NELL1: variants seen among roughly 807,000 people sequenced by gnomAD.
NELL1 encodes the protein neural EGFL like 1.
Under a neutral mutation model 107.4 loss-of-function variants are expected in NELL1, and 76 were observed. That is an observed-to-expected ratio of 0.71 (90% CI 0.59 to 0.86). The LOEUF (loss-of-function observed/expected upper bound fraction) is 0.86, where lower values mean the gene tolerates loss of function less well. NELL1 is among the 40% of genes least tolerant of loss of function. NELL1 has a pLI of 0.00. For synonymous variants in NELL1, 353 were observed against 341.2 expected (o/e 1.03, Z -0.38); for missense variants, 1,024 against 1,005.5 (o/e 1.02, Z -0.25).
chr11:21,434,766 T>C (rs2133837833), intron 15 of NELL1, among the ~76,000 whole-genome samples: 1 of 152,302 alleles, frequency 6.6e-6, no homozygotes, highest in Non-Finnish European at 1.5e-5. Flanking sequence ...GGGTATTGCA[T>C]TGAATTTGTA....
chr11:21,402,473 T>C (rs2133798578), intron 15 of NELL1, among the ~76,000 whole-genome samples: 1 of 151,908 alleles, frequency 6.6e-6, no homozygotes, highest in South Asian at 2.1e-4. Flanking sequence ...AAATTTATGC[T>C]GTGTCAGCCA....
chr11:21,550,400 C>T (rs999590228), intron 16 of NELL1, among the ~76,000 whole-genome samples: 4 of 151,906 alleles, frequency 2.6e-5, no homozygotes, highest in Admixed American at 1.3e-4. Flanking sequence ...GTGTTTTAGA[C>T]CTGAAGTCCT....
At chr11:21,518,553 T>G (rs1855633576) in intron 15 of NELL1, among the ~76,000 whole-genome samples, 1 of 152,216 alleles carries the variant, frequency 6.6e-6, no homozygotes, top group East Asian at 1.9e-4. Flanking sequence ...TTCCTCCTTT[T>G]AAGCCGGAAA....
At chr11:20,993,176 G>A (rs1425085321) in intron 12 of NELL1, among the ~76,000 whole-genome samples, 3 of 151,916 alleles carry the variant, frequency 2.0e-5, no homozygotes, top group African/African-American at 7.3e-5. Context: ...AATTTTCCTT[G>A]ACTCCCCAGG....
chr11:21,460,496 C>T (rs1315310076), intron 15 of NELL1, among the ~76,000 whole-genome samples: 2 of 152,114 alleles, frequency 1.3e-5, no homozygotes, highest in East Asian at 1.9e-4. Flanking sequence ...GCCAAAGAAT[C>T]GTTGGCTTGA....
At chr11:21,274,715 C>T (rs193084572) in intron 14 of NELL1, among the ~76,000 whole-genome samples, 18 of 152,300 alleles carry the variant, frequency 1.2e-4, no homozygotes, top group Non-Finnish European at 1.8e-4. Context: ...GGCCACAGTG[C>T]AATCAAACTA....
chr11:20,987,144 A>C (rs1163520532), intron 12 of NELL1, among the ~76,000 whole-genome samples: 1 of 152,186 alleles, frequency 6.6e-6, no homozygotes, highest in Non-Finnish European at 1.5e-5. Context: ...ATTCTATTGA[A>C]AAAGGCCAAA....
chr11:21,284,732 T>A, intron 14 of NELL1: 1 of 348,382 alleles, frequency 2.9e-6, no homozygotes, highest in Non-Finnish European at 5.7e-6. Flanking sequence ...AATGTGACAA[T>A]TTAGTCAATA....
rs192255666 is a variant in NELL1, at chr11:21,283,335, T to C, written c.1549+53881T>C. Among the ~76,000 whole-genome samples the C allele has an allele frequency of 4.0e-3, 612 of 152,224 alleles. 4 individuals are homozygous for C. The highest frequency in any genetic ancestry group is 6.2e-3 in the Non-Finnish European group (420 of 68,004). On this transcript the variant is annotated intron_variant, in intron 14 of 19. Transcript: ENST00000357134. ...ACAAAAATTAAAAATAAATATTTTT[T>C]AAAAAATTAAAAAATAAGATAGAAC...
intron 13 of NELL1, among the ~76,000 whole-genome samples, chr11:21,181,195 TA>T (rs1856819447): frequency 6.6e-6 from 1 of 151,852 alleles, no homozygotes; most frequent in Non-Finnish European, 1.5e-5. Context: ...TGAAGATGAG[TA>T]ATACATTTAT....
intron 13 of NELL1, among the ~76,000 whole-genome samples, chr11:21,125,930 A>T (rs1220122330): frequency 6.6e-6 from 1 of 152,212 alleles, no homozygotes; most frequent in Non-Finnish European, 1.5e-5. Flanking sequence ...ATCTTCAGAG[A>T]AATGGGCACA....
At chr11:21,008,469 A>G (rs182185519) in intron 12 of NELL1, among the ~76,000 whole-genome samples, 307 of 152,278 alleles carry the variant, frequency 2.0e-3, no homozygotes, top group Non-Finnish European at 3.6e-3. Context: ...TTTCTAATAT[A>G]TGGGATCTAG....
chr11:21,481,148 CA>C (rs1253466985), intron 15 of NELL1, among the ~76,000 whole-genome samples: 2 of 152,128 alleles, frequency 1.3e-5, no homozygotes, highest in Non-Finnish European at 2.9e-5. Flanking sequence ...ATGTTTAATG[CA>C]GAATCAAACT....
At chr11:21,285,731 G>C (rs1473019700) in intron 14 of NELL1, among the ~76,000 whole-genome samples, 1 of 152,224 alleles carries the variant, frequency 6.6e-6, no homozygotes, top group African/African-American at 2.4e-5. Context: ...TCTTTGGTCA[G>C]TGTTTCACAG....
chr11:21,189,454 T>C (rs1034156568), intron 13 of NELL1, among the ~76,000 whole-genome samples: 4 of 151,812 alleles, frequency 2.6e-5, no homozygotes, highest in Admixed American at 2.6e-4. Context: ...TTGCACACAG[T>C]CTTTCACAAT....
At chr11:21,296,776 G>C (rs898579567) in intron 14 of NELL1, among the ~76,000 whole-genome samples, 2 of 151,804 alleles carry the variant, frequency 1.3e-5, no homozygotes, top group African/African-American at 4.8e-5. Context: ...GTGGCTCTGG[G>C]TTGGGGAAAT....
At chr11:20,910,339 C>T (rs796693822) in intron 5 of NELL1, among the ~76,000 whole-genome samples, 11 of 152,294 alleles carry the variant, frequency 7.2e-5, no homozygotes, top group African/African-American at 2.4e-4. Context: ...TAGCCCCAGA[C>T]TTAAGGGATG....
chr11:20,800,194 A>G (rs1201522214), intron 3 of NELL1, among the ~76,000 whole-genome samples: 1 of 152,194 alleles, frequency 6.6e-6, no homozygotes, highest in Non-Finnish European at 1.5e-5. Context: ...CTTTCGATAG[A>G]ATGAATTCTT....
rs374609996 is a variant in NELL1, at chr11:21,228,420, G to A, written c.1427-912G>A. 5.3e-5 allele frequency among the ~76,000 whole-genome samples: 8 copies of A among 152,168 alleles called. No homozygotes were observed. In the East Asian group the frequency reaches 1.4e-3, roughly 26 times the overall value. Reference sequence around the variant, plus strand: ...GGCAGATACGCAGAGGTTAGATTCTGAACCCTATGAAAGTGGGCTATATGG... The same window carrying A: ...GGCAGATACGCAGAGGTTAGATTCTAAACCCTATGAAAGTGGGCTATATGG... On this transcript the variant is annotated intron_variant, in intron 13 of 19. Coordinates refer to ENST00000357134, the MANE Select transcript of NELL1 (RefSeq NM_006157.5).
Sources: allele counts gnomAD v4.1 joint callset (sites outside exome capture counted in the v4.1 genomes callset), GRCh38; gene constraint gnomAD v4.1.1; transcripts MANE v1.5; gene names NCBI Gene and HGNC (gene_info 2026-07-23, HGNC 2026-07-21).